The following ESR1 variants were observed in gnomAD, a reference collection of about 807,000 sequenced individuals.
ESR1 encodes estrogen receptor.
A neutral mutation model predicts 52.7 loss-of-function variants in ESR1; 12 were observed. That is an observed-to-expected ratio of 0.23 (90% CI 0.15 to 0.37). The LOEUF (loss-of-function observed/expected upper bound fraction) is 0.37, where lower values mean the gene tolerates loss of function less well. Ranked by LOEUF, ESR1 falls within the 10% of genes least tolerant of loss-of-function variation. The pLI is 1.00. For missense variants in ESR1, 584 were observed against 779.7 expected, an observed-to-expected ratio of 0.75 and a Z score of 2.99; for synonymous variants, 305 against 316.8, an observed-to-expected ratio of 0.96 and a Z score of 0.39.
chr6:152,063,030 GA>G (rs750543371), intron 6 of ESR1, among the ~76,000 whole-genome samples: 2 of 152,066 alleles, frequency 1.3e-5, no homozygotes, highest in Non-Finnish European at 2.9e-5. Context: ...AACCCAGGGG[GA>G]AAAAACTTTC....
At chr6:152,114,757 G>A (rs942644179) in intron 6 of ESR1, among the ~76,000 whole-genome samples, 2 of 150,594 alleles carry the variant, frequency 1.3e-5, no homozygotes, top group Admixed American at 6.6e-5. Flanking sequence ...CGGGCGTAGT[G>A]GCGGGCGCCT....
upstream of ESR1, among the ~76,000 whole-genome samples, chr6:151,802,581 T>G (rs17828760): frequency 0.024 from 3,718 of 152,334 alleles, 71 homozygotes; most frequent in Middle Eastern, 0.11. Flanking sequence ...CAGAGCTCTC[T>G]TGTGAATCAT....
chr6:151,766,953 T>C (rs910146925), intron 2 of ESR1, among the ~76,000 whole-genome samples: 2 of 152,234 alleles, frequency 1.3e-5, no homozygotes, highest in African/African-American at 4.8e-5. Flanking sequence ...GCAAATCTAC[T>C]GAAATGGTTT....
intron 5 of ESR1, among the ~76,000 whole-genome samples, chr6:152,023,050 AAG>A (rs1473323870): frequency 6.6e-6 from 1 of 151,996 alleles, no homozygotes; most frequent in Admixed American, 6.6e-5. Flanking sequence ...GGACAGGAGT[AAG>A]AAGAAAAAGA....
chr6:151,742,059 T>C (rs912923581), intron 2 of ESR1, among the ~76,000 whole-genome samples: 15 of 152,220 alleles, frequency 9.9e-5, no homozygotes, highest in Admixed American at 4.6e-4. Context: ...TTATTTCACT[T>C]AGCACAATAA....
At chr6:152,029,996 T>G (rs1310201033) in intron 5 of ESR1, among the ~76,000 whole-genome samples, 7 of 152,192 alleles carry the variant, frequency 4.6e-5, no homozygotes, top group Non-Finnish European at 8.8e-5. Flanking sequence ...TACACATTCT[T>G]AAAGAAAAGA....
chr6:151,753,798 G>T (rs1414412285), intron 2 of ESR1, among the ~76,000 whole-genome samples: 5 of 152,184 alleles, frequency 3.3e-5, no homozygotes. Flanking sequence ...GAAATGAATG[G>T]AAACACATGG....
At chr6:151,987,256 T>C (rs2040577602) in intron 4 of ESR1, among the ~76,000 whole-genome samples, 1 of 152,066 alleles carries the variant, frequency 6.6e-6, no homozygotes, top group Admixed American at 6.5e-5. Flanking sequence ...AAAGTCTTTT[T>C]TAAAATTATT....
intron 2 of ESR1, among the ~76,000 whole-genome samples, chr6:151,712,514 C>T (rs910912916): frequency 2.6e-5 from 4 of 152,006 alleles, no homozygotes; most frequent in African/African-American, 9.7e-5. Context: ...TCTCGTTTTT[C>T]CTTGAGCAGT....
At chr6:151,700,084 A>G (rs915417993) in intron 1 of ESR1, among the ~76,000 whole-genome samples, 9 of 152,122 alleles carry the variant, frequency 5.9e-5, no homozygotes, top group African/African-American at 2.2e-4. Context: ...AGTGAAAAAA[A>G]AAAAAAAGAG....
intron 4 of ESR1, chr6:151,984,105 A>G (rs1431928235): frequency 3.9e-5 from 6 of 152,128 alleles, no homozygotes; most frequent in Admixed American, 3.9e-4. Flanking sequence ...TCTCAAGACT[A>G]TTCTCCACAA....
intron 4 of ESR1, among the ~76,000 whole-genome samples, chr6:152,003,816 C>G (rs1364917171): frequency 1.3e-5 from 2 of 151,788 alleles, no homozygotes; most frequent in South Asian, 4.2e-4. Flanking sequence ...AAAGAATATA[C>G]CCAGTATTTT....
chr6:152,092,957 C>G (rs559199439), intron 6 of ESR1, among the ~76,000 whole-genome samples: 1 of 152,116 alleles, frequency 6.6e-6, no homozygotes, highest in Non-Finnish European at 1.5e-5. Context: ...TATATGAAAG[C>G]TCAAAGGTCA....
At chr6:152,091,370 A>T (rs1172254123) in intron 6 of ESR1, among the ~76,000 whole-genome samples, 3 of 152,228 alleles carry the variant, frequency 2.0e-5, no homozygotes, top group African/African-American at 7.2e-5. Context: ...GCTGACAAGG[A>T]TGAGATGATA....
chr6:152,080,381 G>A (rs989668449), intron 6 of ESR1, among the ~76,000 whole-genome samples: 4 of 152,062 alleles, frequency 2.6e-5, no homozygotes, highest in Admixed American at 2.6e-4. Flanking sequence ...TTTCAACCCA[G>A]AATCTCATAT....
chr6:151,795,724 G>A (rs1441542457), intron 2 of ESR1, among the ~76,000 whole-genome samples: 1 of 152,140 alleles, frequency 6.6e-6, no homozygotes, highest in Non-Finnish European at 1.5e-5. Flanking sequence ...ATTGACTTAT[G>A]TACAAATTTA....
intron 1 of ESR1, among the ~76,000 whole-genome samples, chr6:151,660,626 C>T (rs1777605534): frequency 6.6e-6 from 1 of 152,150 alleles, no homozygotes; most frequent in Non-Finnish European, 1.5e-5. Context: ...GAAGTACTTG[C>T]ATTTTCTAGC....
chr6:152,052,290 C>T (rs1388353844), intron 5 of ESR1, among the ~76,000 whole-genome samples: 2 of 152,124 alleles, frequency 1.3e-5, no homozygotes, highest in Admixed American at 1.3e-4. Flanking sequence ...CCACCTCCAA[C>T]ACTGGGATCA....
intron 3 of ESR1, among the ~76,000 whole-genome samples, chr6:151,940,353 C>T (rs2034906912): frequency 1.3e-5 from 2 of 152,162 alleles, no homozygotes; most frequent in African/African-American, 4.8e-5. Flanking sequence ...CATATCAGTA[C>T]ATTAAAGAAA....
Sources: gnomAD v4.1 joint callset for allele counts (sites outside exome capture counted in the v4.1 genomes callset) on GRCh38, gnomAD v4.1.1 for gene constraint, MANE v1.5 for transcripts, NCBI Gene and HGNC (gene_info 2026-07-23, HGNC 2026-07-21) for gene names.